The following UEVLD variants were observed in gnomAD, a reference collection of about 807,000 sequenced individuals.
The protein encoded by UEVLD is UEV and lactate/malate dehyrogenase domains.
Under a neutral mutation model 58.6 loss-of-function variants are expected in UEVLD, and 47 were observed. That is an observed-to-expected ratio of 0.80 (90% CI 0.63 to 1.02). The LOEUF is 1.02. UEVLD is among the 50% of genes least tolerant of loss of function. The pLI, the probability that UEVLD is intolerant of heterozygous loss-of-function variation, is 0.00. For synonymous variants in UEVLD, 197 were observed against 195.3 expected (o/e 1.01, Z -0.07); for missense variants, 510 against 550.6 (o/e 0.93, Z 0.74).
chr11:18,545,999 G>A (rs989403792), intron 8 of UEVLD, among the ~76,000 whole-genome samples: 2 of 151,852 alleles, frequency 1.3e-5, no homozygotes, highest in South Asian at 2.1e-4. Context: ...AAAGCATGTC[G>A]AGAATTAAAG....
intron 1 of UEVLD, chr11:18,579,477 T>TA: frequency 1.0e-6 from 1 of 985,394 alleles, no homozygotes; most frequent in Non-Finnish European, 1.2e-6. Context: ...CTCTCACCAC[T>TA]ATGCAGGATC....
chr11:18,563,563 C>T, intron 6 of UEVLD: 1 of 613,956 alleles, frequency 1.6e-6, no homozygotes, highest in Non-Finnish European at 2.0e-6. Context: ...TGCATTCCAG[C>T]CTGTGCAACA....
chr11:18,583,823 G>A lies in UEVLD; in HGVS notation c.42+4790C>T, dbSNP rs906486440. 5.3e-5 allele frequency among the ~76,000 whole-genome samples: 8 copies of A among 151,850 alleles called. No homozygotes were observed. The South Asian group carries it at 6.3e-4, about 12-fold the overall frequency. ...ATTACAGGCATGCACCACCACACCC[G>A]GGTAATTTTGTATTTTTGGTAGAGA... On this transcript the variant is annotated intron_variant, in intron 1 of 11. Coordinates refer to ENST00000396197, the MANE Select transcript of UEVLD (RefSeq NM_001040697.4).
intron 9 of UEVLD, among the ~76,000 whole-genome samples, chr11:18,542,164 T>G (rs1035487829): frequency 6.6e-6 from 1 of 152,082 alleles, no homozygotes; most frequent in Non-Finnish European, 1.5e-5. Context: ...ACAATAAACA[T>G]TCTATAAGTT....
chr11:18,581,635 G>A (rs1025644998), intron 1 of UEVLD, among the ~76,000 whole-genome samples: 1 of 149,700 alleles, frequency 6.7e-6, no homozygotes, highest in Non-Finnish European at 1.5e-5. Flanking sequence ...AACGAGCTGG[G>A]ATCACCTCAC....
intron 7 of UEVLD, among the ~76,000 whole-genome samples, chr11:18,552,111 T>G (rs539803513): frequency 6.6e-6 from 1 of 152,340 alleles, no homozygotes; most frequent in East Asian, 1.9e-4. Context: ...CATTAAGCCA[T>G]TCTTACGGTA....
intron 7 of UEVLD, among the ~76,000 whole-genome samples, chr11:18,557,604 G>A (rs1851812060): frequency 1.4e-5 from 2 of 147,950 alleles, no homozygotes; most frequent in South Asian, 4.2e-4. Context: ...TCAGGCTGGA[G>A]TGTGGTGGCT....
chr11:18,575,379 T>C lies in UEVLD; in HGVS notation c.161A>G (p.Asn54Ser). ...CATCACAGGAATTGTGCCAGTAAAA[T>C]TCAGCAGGTCTTTCTGAGAACTATC... ...FKDSSQKDLLNFTGTIPVMYQ... is the reference protein window; with the variant it reads ...FKDSSQKDLLSFTGTIPVMYQ... Residue 54 changes from asparagine to serine, a missense_variant, in exon 3 of 12, where the codon AAT becomes AGT. Coordinates refer to ENST00000396197, the MANE Select transcript of UEVLD (RefSeq NM_001040697.4). The C allele has an allele frequency of 6.2e-7, 1 of 1,608,902 alleles. No homozygotes were observed. The highest frequency in any genetic ancestry group is 8.5e-7 in the Non-Finnish European group (1 of 1,178,852).
intron 8 of UEVLD, among the ~76,000 whole-genome samples, chr11:18,545,064 C>CTATATATATATA (rs1398604778): frequency 9.9e-5 from 2 of 20,238 alleles, no homozygotes; most frequent in South Asian, 3.3e-3. Context: ...ATATCTATAT[C>CTATATATATATA]TATATCTATA....
At chr11:18,569,980 G>A (rs970541271) in intron 4 of UEVLD, 5 of 309,134 alleles carry the variant, frequency 1.6e-5, no homozygotes, top group Non-Finnish European at 2.9e-5. Context: ...AAAAGACAGG[G>A]AGCAAACAGT....
chr11:18,578,653 T>C (rs990796655), intron 2 of UEVLD, 71 bp downstream of exon 2: 12 of 1,038,626 alleles, frequency 1.2e-5, no homozygotes, highest in African/African-American at 9.7e-5. Flanking sequence ...ATTACAATTT[T>C]GCAGCTCTTT....
chr11:18,551,410 A>ACACTTTATTTATCCATTTTTTGTG (rs1565118554), intron 7 of UEVLD, among the ~76,000 whole-genome samples: 1 of 119,224 alleles, frequency 8.4e-6, no homozygotes. Context: ...GCAACCGAGT[A>ACACTTTATTTATCCATTTTTTGTG]AGACTCCATC....
intron 1 of UEVLD, among the ~76,000 whole-genome samples, chr11:18,583,697 T>C (rs1471907904): frequency 6.8e-6 from 1 of 148,128 alleles, no homozygotes; most frequent in Non-Finnish European, 1.5e-5. Flanking sequence ...GTTTCACTCT[T>C]GTTGCACAGG....
intron 11 of UEVLD, 130 bp downstream of exon 11, chr11:18,534,200 C>G (rs983799228): frequency 1.5e-6 from 1 of 663,596 alleles, no homozygotes; most frequent in Non-Finnish European, 2.3e-6. Flanking sequence ...ACTGCCTTCT[C>G]CTACCTGTTA....
intron 6 of UEVLD, among the ~76,000 whole-genome samples, chr11:18,562,234 C>T (rs1852070034): frequency 6.6e-6 from 1 of 152,092 alleles, no homozygotes; most frequent in African/African-American, 2.4e-5. Flanking sequence ...TGCACCACCA[C>T]ACCTAGCTAA....
intron 1 of UEVLD, chr11:18,579,301 G>T: frequency 3.9e-6 from 1 of 253,694 alleles, no homozygotes; most frequent in Non-Finnish European, 6.2e-6. Context: ...TATAGGAGCA[G>T]GAGAAGAAAA....
intron 7 of UEVLD, among the ~76,000 whole-genome samples, chr11:18,549,008 G>A (rs896941246): frequency 3.9e-5 from 6 of 152,198 alleles, no homozygotes; most frequent in Non-Finnish European, 2.9e-5. Flanking sequence ...GTCAAACACT[G>A]TTCTAACAGT....
Position 18,534,392 on chromosome 11 carries a change from C to T in UEVLD, c.1186G>A (p.Asp396Asn). 6.3e-7 allele frequency: 1 copy of T among 1,579,392 alleles called. No individual in the cohort carries two copies. Among genetic ancestry groups the T allele is most frequent in the South Asian group, 1.2e-5 (1 of 82,986 alleles). The stretch of plus-strand genomic sequence containing the variant: ...TTGTTTACAATACTGTCAACCATGT[C>T]AGCTACTGATAGTCCAACAGACCAG... The part of the protein sequence containing the change: ...RSWSVGLSVA[D>N]MVDSIVNNKK... The change falls in exon 11 of 12, where the codon GAC becomes AAC. Residue 396 changes from aspartate to asparagine, a missense_variant. Transcript: ENST00000396197.
intron 7 of UEVLD, among the ~76,000 whole-genome samples, chr11:18,549,657 G>T (rs1418419320): frequency 1.3e-5 from 2 of 151,928 alleles, no homozygotes; most frequent in East Asian, 3.9e-4. Context: ...GACCTCAGAT[G>T]ATCTGCCTGC....
Sources: allele counts gnomAD v4.1 joint callset (sites outside exome capture counted in the v4.1 genomes callset), GRCh38; gene constraint gnomAD v4.1.1; transcripts MANE v1.5; gene names NCBI Gene and HGNC (gene_info 2026-07-23, HGNC 2026-07-21).